Variants in ZNF385D observed in about 807,000 individuals in gnomAD.
The protein encoded by ZNF385D is zinc finger protein 659.
In ZNF385D, 15 loss-of-function variants were observed where a neutral mutation model predicts 35.8. The ratio of observed to expected loss-of-function variants is 0.42; its 90% CI spans 0.28 to 0.64. The LOEUF is 0.64. Ranked by LOEUF, ZNF385D falls within the 30% of genes least tolerant of loss-of-function variation. The pLI is 0.23. For synonymous variants in ZNF385D, 212 were observed against 186.8 expected, an observed-to-expected ratio of 1.13 and a Z score of -1.10; for missense variants, 474 against 494.6, an observed-to-expected ratio of 0.96 and a Z score of 0.39.
At chr3:21,907,343 T>C (rs756065279) in intron 3 of ZNF385D, among the ~76,000 whole-genome samples, 25 of 152,190 alleles carry the variant, frequency 1.6e-4, no homozygotes, top group Non-Finnish European at 1.8e-4. Context: ...AATACACAAA[T>C]ATAAATTGTT....
At chr3:21,827,111 A>G (rs1694691968) in intron 3 of ZNF385D, among the ~76,000 whole-genome samples, 1 of 152,210 alleles carries the variant, frequency 6.6e-6, no homozygotes, top group African/African-American at 2.4e-5. Flanking sequence ...TGAAGATGAA[A>G]TTAGGTCATA....
intron 1 of ZNF385D, among the ~76,000 whole-genome samples, chr3:21,730,118 C>T (rs944667879): frequency 1.3e-5 from 2 of 152,196 alleles, no homozygotes; most frequent in Non-Finnish European, 2.9e-5. Flanking sequence ...ACACACGCAT[C>T]CAGGGATTTG....
intron 1 of ZNF385D, among the ~76,000 whole-genome samples, chr3:21,715,204 G>T (rs35003542): frequency 0.17 from 26,394 of 152,052 alleles, 2,764 homozygotes; most frequent in Admixed American, 0.3. Context: ...ATAATGTACA[G>T]TGTACTCATT....
intron 4 of ZNF385D, among the ~76,000 whole-genome samples, chr3:21,445,752 T>G (rs1233320063): frequency 6.6e-6 from 1 of 152,206 alleles, no homozygotes; most frequent in Non-Finnish European, 1.5e-5. Flanking sequence ...TGTTAGGCAT[T>G]TGCTTATCTT....
At chr3:21,789,525 T>TACACATGTGTAAGCACACACAC (rs2071836634) in intron 3 of ZNF385D, among the ~76,000 whole-genome samples, 1 of 152,102 alleles carries the variant, frequency 6.6e-6, no homozygotes, top group Non-Finnish European at 1.5e-5. Context: ...CACACACATA[T>TACACATGTGTAAGCACACACAC]ACACATGTGT....
At chr3:22,271,038 T>G (rs1454069556) in intron 2 of ZNF385D, among the ~76,000 whole-genome samples, 1 of 151,964 alleles carries the variant, frequency 6.6e-6, no homozygotes, top group African/African-American at 2.4e-5. Context: ...AATTACCTCC[T>G]TTTAGCCCCT....
intron 3 of ZNF385D, among the ~76,000 whole-genome samples, chr3:21,832,003 G>T (rs977253377): frequency 5.9e-5 from 9 of 152,026 alleles, no homozygotes; most frequent in African/African-American, 2.2e-4. Context: ...CCTTTAATTA[G>T]CTTGCATACC....
intron 3 of ZNF385D, among the ~76,000 whole-genome samples, chr3:21,789,477 G>A (rs780213171): frequency 5.3e-5 from 8 of 152,024 alleles, no homozygotes; most frequent in Non-Finnish European, 1.2e-4. Flanking sequence ...ACTCAACTAT[G>A]GGCATGTGTT....
At chr3:22,010,411 A>G (rs940566416) in intron 3 of ZNF385D, among the ~76,000 whole-genome samples, 1 of 152,210 alleles carries the variant, frequency 6.6e-6, no homozygotes, top group Non-Finnish European at 1.5e-5. Context: ...TATCTCCAGG[A>G]TGAATTATTT....
At chr3:21,788,460 T>C (rs548147986) in intron 3 of ZNF385D, among the ~76,000 whole-genome samples, 2 of 152,256 alleles carry the variant, frequency 1.3e-5, no homozygotes, top group East Asian at 1.9e-4. Context: ...GCCTGGGGGA[T>C]AGAGCGAGAC....
intron 2 of ZNF385D, among the ~76,000 whole-genome samples, chr3:22,366,642 ATCC>A (rs1240089591): frequency 6.6e-6 from 1 of 152,198 alleles, no homozygotes; most frequent in Non-Finnish European, 1.5e-5. Context: ...AATAATGCAC[ATCC>A]TCCTCCTACT....
intron 2 of ZNF385D, among the ~76,000 whole-genome samples, chr3:22,361,355 C>G (rs1457183811): frequency 6.6e-6 from 1 of 152,028 alleles, no homozygotes; most frequent in Admixed American, 6.6e-5. Flanking sequence ...AGGAAGATGT[C>G]TTTTAGAGAA....
At chr3:22,360,566 A>G (rs1696366051) in intron 2 of ZNF385D, among the ~76,000 whole-genome samples, 1 of 152,014 alleles carries the variant, frequency 6.6e-6, no homozygotes, top group South Asian at 2.1e-4. Context: ...TTAAAACCTT[A>G]GTAAGAGCCA....
intron 2 of ZNF385D, among the ~76,000 whole-genome samples, chr3:22,337,195 A>T (rs1428023331): frequency 6.6e-6 from 1 of 151,900 alleles, no homozygotes; most frequent in Non-Finnish European, 1.5e-5. Flanking sequence ...TGCTATGCTC[A>T]TTATAAGAAT....
intron 3 of ZNF385D, among the ~76,000 whole-genome samples, chr3:22,066,731 G>A (rs1699983168): frequency 6.6e-6 from 1 of 152,120 alleles, no homozygotes; most frequent in Non-Finnish European, 1.5e-5. Context: ...TAAGTGATGT[G>A]CACTTAGATA....
chr3:21,473,967 T>C lies in ZNF385D; in HGVS notation c.440-36764A>G, dbSNP rs35810355. Among the ~76,000 whole-genome samples, 3 of 151,922 alleles carry C rather than the reference T, an allele frequency of 2.0e-5. No individual in the cohort carries two copies. The South Asian group carries it at 6.2e-4, about 31-fold the overall frequency. On this transcript the variant is annotated intron_variant, in intron 4 of 7. Coordinates refer to ENST00000281523, the MANE Select transcript of ZNF385D (RefSeq NM_024697.3). ...GATATTTTATATCATATATGCCTTG[T>C]TATATATATATAAATATGTGTAAGC... is the stretch of plus-strand genomic sequence containing the variant.
intron 3 of ZNF385D, among the ~76,000 whole-genome samples, chr3:22,076,462 T>G (rs937452905): frequency 3.3e-5 from 5 of 151,956 alleles, no homozygotes; most frequent in Admixed American, 3.3e-4. Context: ...AGCTTAAGAT[T>G]CATCTCCCAA....
At chr3:21,572,536 A>G (rs755407760) in intron 2 of ZNF385D, among the ~76,000 whole-genome samples, 46 of 152,188 alleles carry the variant, frequency 3.0e-4, no homozygotes, top group Non-Finnish European at 5.9e-4. Flanking sequence ...CTTTTGTCCA[A>G]TCACATTTCT....
At chr3:21,546,063 TA>T (rs1440577483) in intron 3 of ZNF385D, among the ~76,000 whole-genome samples, 1 of 152,120 alleles carries the variant, frequency 6.6e-6, no homozygotes, top group African/African-American at 2.4e-5. Context: ...AGTCCTATCA[TA>T]TTTTTTTTTT....
Sources: allele counts gnomAD v4.1 joint callset (sites outside exome capture counted in the v4.1 genomes callset), GRCh38; gene constraint gnomAD v4.1.1; transcripts MANE v1.5; gene names NCBI Gene and HGNC (gene_info 2026-07-23, HGNC 2026-07-21).